The following RIPOR2 variants were observed in gnomAD, a reference collection of about 807,000 sequenced individuals.
The protein encoded by RIPOR2 is RHO family interacting cell polarization regulator 2.
In RIPOR2, 39 loss-of-function variants were observed where a neutral mutation model predicts 114.5. The ratio of observed to expected loss-of-function variants is 0.34; its 90% CI spans 0.26 to 0.44. The LOEUF is 0.44. Ranked by LOEUF, RIPOR2 falls within the 20% of genes least tolerant of loss-of-function variation. RIPOR2 has a pLI of 1.00. For synonymous variants in RIPOR2, 445 were observed against 484.4 expected, an observed-to-expected ratio of 0.92 and a Z score of 1.07; for missense variants, 1,007 against 1,255.1, an observed-to-expected ratio of 0.80 and a Z score of 2.99.
chr6:24,987,861 A>C (rs1774601995), intron 1 of RIPOR2, among the ~76,000 whole-genome samples: 1 of 152,230 alleles, frequency 6.6e-6, no homozygotes, highest in South Asian at 2.1e-4. Flanking sequence ...GATAATGCCG[A>C]TAATAAAAAA....
At chr6:24,920,950 A>G (rs141804160) in intron 1 of RIPOR2, among the ~76,000 whole-genome samples, 224 of 152,286 alleles carry the variant, frequency 1.5e-3, no homozygotes, top group African/African-American at 4.9e-3. Flanking sequence ...GGAATATGTC[A>G]GTAGTCTCCT....
rs1002405185 is a variant in RIPOR2, at chr6:24,858,071, C to T, written c.715+2902G>A. Among the ~76,000 whole-genome samples, 2 of 152,198 alleles carry T rather than the reference C, an allele frequency of 1.3e-5. No homozygotes were observed. The highest frequency in any genetic ancestry group is 6.5e-5 in the Admixed American group (1 of 15,272). On this transcript the variant is annotated intron_variant, in intron 8 of 21. Coordinates refer to ENST00000643898, the MANE Select transcript of RIPOR2 (RefSeq NM_001286445.3). This position sits in a 1 kb window ranked among gnomAD's most constrained non-coding sequence, Gnocchi z 4.0. The stretch of plus-strand genomic sequence containing the variant: ...TCCTCTTTCCTGCTCCTCTCCCCAA[C>T]TAGAGAGGTGAGTGGCAACCTTTTC...
At chr6:24,826,437 T>C (rs1443476021) in intron 18 of RIPOR2, among the ~76,000 whole-genome samples, 3 of 152,042 alleles carry the variant, frequency 2.0e-5, no homozygotes, top group Non-Finnish European at 4.4e-5. Context: ...CCAAAATTCA[T>C]GCTCCATGAA....
rs775130518 is a variant in RIPOR2 at position 24,990,223 on chromosome 6, C to T, written c.76+51628G>A. ...TGTAACATGTGCTTTTAGGCAATAA[C>T]GTCTCAGTGTGCTGAAAAGATAAAG... is the stretch of plus-strand genomic sequence containing the variant. On this transcript the variant is annotated intron_variant, in intron 1 of 13. Coordinates refer to the RIPOR2 transcript ENST00000510784. Among the ~76,000 whole-genome samples the T allele has an allele frequency of 2.8e-4, 42 of 152,292 alleles. 1 individual carries two copies. Among genetic ancestry groups the T allele is most frequent in the Admixed American group, 4.6e-4 (7 of 15,298 alleles).
At chr6:24,810,533 C>T (rs2113625406) in intron 20 of RIPOR2, among the ~76,000 whole-genome samples, 1 of 152,316 alleles carries the variant, frequency 6.6e-6, no homozygotes, top group South Asian at 2.1e-4. Flanking sequence ...ATGAACCAGA[C>T]TATTCATAAG....
rs1205773895 is a variant in RIPOR2, at chr6:24,858,270, A to G, written c.715+2703T>C. 6.6e-6 allele frequency among the ~76,000 whole-genome samples: 1 copy of G among 152,184 alleles called. No homozygotes were observed. The highest frequency in any genetic ancestry group is 1.5e-5 in the Non-Finnish European group (1 of 68,032). ...TGCAGTCAAGTGCCTGGCCAATAGC[A>G]GGCACTCAGTAAGTACTTGCTCTAT... On this transcript the variant is annotated intron_variant, in intron 8 of 21. Coordinates refer to ENST00000643898, the MANE Select transcript of RIPOR2 (RefSeq NM_001286445.3). The surrounding 1 kb of genome is among the most constrained non-coding windows in gnomAD (Gnocchi z 4.0).
At position 25,023,391 on chromosome 6, in the gene RIPOR2, AGAGT is replaced by A; in HGVS notation, c.76+18456_76+18459del. 3.9e-6 allele frequency: 3 copies of A among 776,578 alleles called. No individual in the cohort carries two copies. In the South Asian group the frequency reaches 4.0e-5, roughly 10 times the overall value. 48.1% of individuals were successfully genotyped at this position (776,578 alleles called of 1,614,324 possible). ...CTCACCGGCTCCTCGTTGTAGGGAGAGAGTGGGGACTCCCAGCCAAGGATGTACA... is the reference window on the plus strand; with the variant it reads ...CTCACCGGCTCCTCGTTGTAGGGAGAGGGGACTCCCAGCCAAGGATGTACA... On this transcript the variant is annotated intron_variant, in intron 1 of 13. Coordinates refer to the RIPOR2 transcript ENST00000510784.
chr6:24,972,750 G>C (rs1182581856), intron 1 of RIPOR2, among the ~76,000 whole-genome samples: 17 of 152,218 alleles, frequency 1.1e-4, no homozygotes, highest in Non-Finnish European at 8.8e-5. Flanking sequence ...CCTGTCACTG[G>C]ATGTGTGTAT....
chr6:24,818,557 A>G lies in RIPOR2; in HGVS notation c.2937T>C (p.Ala979=), dbSNP rs9358802. Residue 979 remains alanine (A), a synonymous_variant, in exon 20 of 22, where the codon GCT becomes GCC. Transcript: ENST00000643898. The part of the protein sequence containing the change: ...NLQLQKAACL[A]LKILEATESI... ...TGGGCTTTACCTCAAGGATTTTCAG[A>G]GCCAGGCAAGCTGCTTTCTGGAGCT... 0.33 allele frequency: 510,197 copies of G among 1,547,186 alleles called. 89,341 individuals are homozygous for G. Among genetic ancestry groups the G allele is most frequent in the East Asian group, 0.67 (27,201 of 40,806 alleles).
At chr6:24,961,492 G>C (rs1427404915) in intron 1 of RIPOR2, among the ~76,000 whole-genome samples, 2 of 152,148 alleles carry the variant, frequency 1.3e-5, no homozygotes, top group Non-Finnish European at 2.9e-5. Context: ...TCTGTGCTCT[G>C]GGGCAAGTCA....
intron 1 of RIPOR2, among the ~76,000 whole-genome samples, chr6:24,890,119 T>A (rs1349562130): frequency 1.3e-5 from 2 of 152,096 alleles, no homozygotes; most frequent in Non-Finnish European, 2.9e-5. Flanking sequence ...GGTCTCGAAC[T>A]CCTGATCTCA....
rs1433403735 is a variant in RIPOR2 at position 24,848,510 on chromosome 6, C to CG, written c.1035-357dup. Among the ~76,000 whole-genome samples, 7 of 152,236 alleles carry CG rather than the reference C, an allele frequency of 4.6e-5. No homozygotes were observed. The East Asian group carries it at 1.2e-3, about 25-fold the overall frequency. ...GTCTATAAAAATTATCTGAACTTTGCGGGGCTAGATACCTTAATGGTATAA... is the reference window on the plus strand; with the variant it reads ...GTCTATAAAAATTATCTGAACTTTGCGGGGGCTAGATACCTTAATGGTATAA... On this transcript the variant is annotated intron_variant, in intron 11 of 21. Coordinates refer to ENST00000643898, the MANE Select transcript of RIPOR2 (RefSeq NM_001286445.3).
intron 13 of RIPOR2, among the ~76,000 whole-genome samples, chr6:24,841,829 T>C (rs1390561758): frequency 6.6e-6 from 1 of 152,032 alleles, no homozygotes; most frequent in African/African-American, 2.4e-5. Flanking sequence ...TGTTGCCCGG[T>C]CTGGTCTCTA....
At chr6:25,005,738 T>TATATACATATATAC (rs34572978) in intron 1 of RIPOR2, among the ~76,000 whole-genome samples, 1 of 70,700 alleles carries the variant, frequency 1.4e-5, no homozygotes, top group South Asian at 5.0e-4. Context: ...TATATATATA[T>TATATACATATATAC]ATACATTTAC....
chr6:24,952,453 T>C (rs952799766), intron 1 of RIPOR2, among the ~76,000 whole-genome samples: 6 of 152,166 alleles, frequency 3.9e-5, no homozygotes, highest in African/African-American at 1.2e-4. Flanking sequence ...TGGATTTTCA[T>C]AGTGCTAATA....
chr6:24,830,898 T>A (rs1760623714), intron 16 of RIPOR2, among the ~76,000 whole-genome samples: 1 of 152,082 alleles, frequency 6.6e-6, no homozygotes, highest in East Asian at 1.9e-4. Flanking sequence ...GTATTTTTAG[T>A]AGAGATGAGG....
chr6:25,018,625 T>A (rs926136614), intron 1 of RIPOR2, among the ~76,000 whole-genome samples: 4 of 152,234 alleles, frequency 2.6e-5, no homozygotes, highest in Non-Finnish European at 4.4e-5. Flanking sequence ...AATTGCTTCC[T>A]CCAATATGTT....
intron 1 of RIPOR2, among the ~76,000 whole-genome samples, chr6:24,953,632 C>T (rs1772887888): frequency 6.6e-6 from 1 of 152,220 alleles, no homozygotes; most frequent in South Asian, 2.1e-4. Flanking sequence ...CCTCATCCTT[C>T]TCTGCTGAAG....
chr6:24,960,528 G>A (rs866801591), intron 1 of RIPOR2, among the ~76,000 whole-genome samples: 7 of 152,150 alleles, frequency 4.6e-5, no homozygotes, highest in African/African-American at 1.7e-4. Flanking sequence ...TGAATTTTTT[G>A]TTTGTTTGTT....
Sources: allele counts gnomAD v4.1 joint callset (sites outside exome capture counted in the v4.1 genomes callset), GRCh38; gene constraint gnomAD v4.1.1; non-coding constraint Gnocchi (gnomAD v3.1); transcripts MANE v1.5; gene names NCBI Gene and HGNC (gene_info 2026-07-23, HGNC 2026-07-21).